Variants in BRD3 observed in about 807,000 individuals in gnomAD.
BRD3 encodes the protein bromodomain containing 3.
In BRD3, 17 loss-of-function variants were observed where a neutral mutation model predicts 66.8. The observed-to-expected ratio is 0.25, with a 90% CI of 0.17 to 0.38. The LOEUF (loss-of-function observed/expected upper bound fraction) is 0.38. BRD3 is among the 10% of genes least tolerant of loss of function. The pLI is 1.00. For missense variants in BRD3, 713 were observed against 956.1 expected, an observed-to-expected ratio of 0.75 and a Z score of 3.35; for synonymous variants, 421 against 393.2, an observed-to-expected ratio of 1.07 and a Z score of -0.84.
chr9:134,046,717 G>A (rs1046182051), intron 6 of BRD3, among the ~76,000 whole-genome samples: 1 of 152,176 alleles, frequency 6.6e-6, no homozygotes, highest in Non-Finnish European at 1.5e-5. Context: ...CGCAGCGTCC[G>A]GGCCACAGTC....
intron 8 of BRD3, among the ~76,000 whole-genome samples, chr9:134,040,789 C>T (rs980497660): frequency 6.6e-6 from 1 of 152,206 alleles, no homozygotes; most frequent in Non-Finnish European, 1.5e-5. Context: ...TTCTGGGAAG[C>T]CATTTGATAA....
intron 1 of BRD3, among the ~76,000 whole-genome samples, chr9:134,055,079 C>T (rs1401779538): frequency 2.0e-5 from 3 of 152,186 alleles, no homozygotes; most frequent in African/African-American, 7.2e-5. Flanking sequence ...CCGGTGCTCA[C>T]AGCCCCAGGC....
At chr9:134,060,135 C>A (rs1232947642) in intron 1 of BRD3, among the ~76,000 whole-genome samples, 1 of 152,224 alleles carries the variant, frequency 6.6e-6, no homozygotes, top group Non-Finnish European at 1.5e-5. Flanking sequence ...CCAGCAGAGA[C>A]AGAGGCAGAG....
intron 1 of BRD3, among the ~76,000 whole-genome samples, chr9:134,062,435 A>G (rs963727094): frequency 1.3e-5 from 2 of 152,162 alleles, no homozygotes; most frequent in African/African-American, 4.8e-5. Context: ...CTCTGCACCC[A>G]CCAGTGCCTT....
intron 1 of BRD3, among the ~76,000 whole-genome samples, chr9:134,064,083 G>A (rs1006683565): frequency 4.6e-5 from 7 of 152,332 alleles, no homozygotes; most frequent in East Asian, 1.9e-4. Flanking sequence ...GGTGCGAGAC[G>A]CAGACAGCCA....
rs139005364 is a variant in BRD3 at position 134,044,765 on chromosome 9, T to C, written c.1215+528A>G. ...GTGCATGTTCACAAAGTCCCTGCGC[T>C]GAGAGCTAGACCAAGACACTCCTGT... On this transcript the variant is annotated intron_variant, in intron 7 of 11. Coordinates refer to ENST00000303407, the MANE Select transcript of BRD3 (RefSeq NM_007371.4). 5.9e-4 allele frequency among the ~76,000 whole-genome samples: 90 copies of C among 152,336 alleles called. 1 individual carries two copies. The highest frequency in any genetic ancestry group is 3.4e-3 in the Middle Eastern group (1 of 294).
At chr9:134,051,867 G>GTTTTTT (rs1564555734) in intron 3 of BRD3, among the ~76,000 whole-genome samples, 158 bp from the exon 4 acceptor site, 1 of 113,026 alleles carries the variant, frequency 8.8e-6, no homozygotes, top group African/African-American at 4.1e-5. Context: ...GTGTGTGTGT[G>GTTTTTT]TGTGTGTGTG....
intron 11 of BRD3, 156 bp downstream of exon 11, chr9:134,034,545 A>C: frequency 9.4e-7 from 1 of 1,067,038 alleles, no homozygotes; most frequent in Non-Finnish European, 1.3e-6. Context: ...CAGACCAGGA[A>C]ATGGAGGTTT....
rs144468611 is a variant in BRD3, at chr9:134,053,411, G to T, written c.67C>A (p.Pro23Thr). 55 of 1,612,510 alleles carry T rather than the reference G, an allele frequency of 3.4e-5. No homozygotes were observed. Among genetic ancestry groups the T allele is most frequent in the Non-Finnish European group, 4.6e-5 (54 of 1,179,912 alleles). Residue 23 changes from proline (P) to threonine (T), a missense_variant, in exon 2 of 12, where the codon CCC (proline) becomes ACC (threonine). Around this residue, in one of 5 missense-constraint regions of BRD3, gnomAD observed 48 missense variants for 42.5 expected, o/e 1.13. Transcript: ENST00000303407. ...TTGCTGGGGTTGGAGACCTCCGGGG[G>T]GGGTGGGTTCACAGGGCCCGGGGTC... is the stretch of plus-strand genomic sequence containing the variant. ...PATPGPVNPP[P>T]PEVSNPSKPG...
chr9:134,062,119 C>A (rs1830556223), intron 1 of BRD3, among the ~76,000 whole-genome samples: 1 of 152,178 alleles, frequency 6.6e-6, no homozygotes, highest in African/African-American at 2.4e-5. Flanking sequence ...CCCCTGTAGC[C>A]CTGGAGGAGC....
Position 134,050,433 on chromosome 9 carries a change from G to A in BRD3, c.655C>T (p.Pro219Ser), listed in dbSNP as rs535253958. The A allele has an allele frequency of 3.1e-6, 5 of 1,612,318 alleles. No homozygotes were observed. In the Admixed American group the frequency reaches 8.3e-5, roughly 27 times the overall value. The change falls in exon 5 of 12, where the codon CCA (proline) becomes TCA (serine). Residue 219 changes from proline (P) to serine (S), a missense_variant. Coordinates refer to ENST00000303407, the MANE Select transcript of BRD3 (RefSeq NM_007371.4). ...TSVPVPPAAA[P>S]PPPATPIVPV... ...ACGATGGGTGTGGCAGGAGGAGGTG[G>A]GGCGGCAGCTGGGGGGACTGGGACC...
intron 4 of BRD3, 139 bp downstream of exon 4, chr9:134,051,423 T>A: frequency 1.1e-6 from 1 of 872,662 alleles, no homozygotes; most frequent in Non-Finnish European, 1.6e-6. Context: ...CAGGCCACAC[T>A]CATCCAAGAC....
chr9:134,048,001 C>T lies in BRD3; in HGVS notation c.1086+82G>A, dbSNP rs460888. On this transcript the variant is annotated intron_variant, in intron 6 of 11. Transcript: ENST00000303407. The stretch of plus-strand genomic sequence containing the variant: ...CGAGACCCTGCTCCCCGACAGCCCC[C>T]ACTCAGCCGGCACAAGACATCAGCA... 3 of 1,440,752 alleles carry T rather than the reference C, an allele frequency of 2.1e-6. No homozygotes were observed. The South Asian group carries it at 4.5e-5, about 21-fold the overall frequency. The allele number at this position is 1,440,752 out of a possible 1,614,324, so 89.2% of individuals were successfully genotyped here.
intron 10 of BRD3, among the ~76,000 whole-genome samples, chr9:134,035,274 C>A (rs948840108): frequency 1.3e-5 from 2 of 152,176 alleles, no homozygotes; most frequent in Non-Finnish European, 2.9e-5. Context: ...CCAAGTTGAC[C>A]CGGTGACTTA....
In BRD3 at chr9:134,062,741, G is replaced by A. The variant is rs568586076; in HGVS notation, c.-114+5204C>T. ...TGGGAACGAGGAAGTTGGCCCCACA[G>A]ACACTGGTCAGGCCCTCCCAACCCC... is the stretch of plus-strand genomic sequence containing the variant. On this transcript the variant is annotated intron_variant, in intron 1 of 11. Coordinates refer to ENST00000303407, the MANE Select transcript of BRD3 (RefSeq NM_007371.4). Among the ~76,000 whole-genome samples, 364 of 152,336 alleles carry A rather than the reference G, an allele frequency of 2.4e-3. 2 individuals are homozygous for A. Among genetic ancestry groups the A allele is most frequent in the African/African-American group, 8.3e-3 (344 of 41,574 alleles).
intron 7 of BRD3, among the ~76,000 whole-genome samples, chr9:134,044,420 A>G (rs1182835878): frequency 6.6e-6 from 1 of 152,196 alleles, no homozygotes; most frequent in Non-Finnish European, 1.5e-5. Flanking sequence ...CAGTCTATGC[A>G]AGGACTGAGA....
chr9:134,053,340 C>T lies in BRD3; in HGVS notation c.138G>A (p.Val46=), dbSNP rs767266699. Reference sequence around the variant, plus strand: ...ACTGGTGTTTCCAGAGCGTCTTCACCACCACATTCTGCATGTACTGCAGCT... The same window carrying T: ...ACTGGTGTTTCCAGAGCGTCTTCACTACCACATTCTGCATGTACTGCAGCT... ...TNQLQYMQNV[V]VKTLWKHQFA... Residue 46 remains valine (V), a synonymous_variant, in exon 2 of 12, where the codon GTG becomes GTA. Coordinates refer to ENST00000303407, the MANE Select transcript of BRD3 (RefSeq NM_007371.4). The T allele has an allele frequency of 4.3e-6, 7 of 1,613,560 alleles. No individual in the cohort carries two copies. In the African/African-American group the frequency reaches 8.0e-5, roughly 18 times the overall value.
intron 9 of BRD3, chr9:134,036,629 G>C (rs762725959): frequency 7.0e-7 from 1 of 1,423,496 alleles, no homozygotes; most frequent in Admixed American, 1.7e-5. Context: ...AAAAAAGGGG[G>C]AACAAAGGAA....
intron 1 of BRD3, among the ~76,000 whole-genome samples, chr9:134,067,201 T>C (rs1830678773): frequency 6.6e-6 from 1 of 152,136 alleles, no homozygotes; most frequent in East Asian, 1.9e-4. Context: ...TCGCCCGGAT[T>C]AAGCGATTTT....
Sources: allele counts gnomAD v4.1 joint callset (sites outside exome capture counted in the v4.1 genomes callset), GRCh38; gene constraint gnomAD v4.1.1; regional missense constraint gnomAD v4.1.1; transcripts MANE v1.5; gene names NCBI Gene and HGNC (gene_info 2026-07-23, HGNC 2026-07-21).